Variants in SPTBN5 observed in about 807,000 individuals in gnomAD.
SPTBN5 encodes spectrin beta chain, non-erythrocytic 5.
In SPTBN5, 513 loss-of-function variants were observed where a neutral mutation model predicts 477.6. The observed-to-expected ratio is 1.07, with a 90% CI of 1.00 to 1.16. SPTBN5 has a LOEUF of 1.16. Ranked by LOEUF, SPTBN5 falls within the 50% of genes most tolerant of loss-of-function variation. The probability of loss-of-function intolerance (pLI) is 0.00; values close to 1 mark genes in which losing one functional copy is unlikely to be tolerated. For synonymous variants in SPTBN5, 2,169 were observed against 2,011.7 expected (o/e 1.08, Z -2.09); for missense variants, 5,062 against 4,731.8 (o/e 1.07, Z -2.05).
chr15:41,851,766 T>C lies in SPTBN5; in HGVS notation c.10656+13A>G, dbSNP rs1181060874. ...TGGGGAGCTGCCTGGAGAAGGAATC[T>C]CCAGGCACTCACCTGCCTCCCGCCA... On this transcript the variant is annotated intron_variant, in intron 63 of 67. Transcript: ENST00000320955. The C allele has an allele frequency of 6.2e-7, 1 of 1,603,008 alleles. No individual in the cohort carries two copies. The highest frequency in any genetic ancestry group is 1.7e-5 in the Admixed American group (1 of 59,736).
chr15:41,865,398 C>T (rs1432656227), intron 39 of SPTBN5, among the ~76,000 whole-genome samples: 1 of 152,204 alleles, frequency 6.6e-6, no homozygotes, highest in East Asian at 1.9e-4. Context: ...TCCCTGTGCC[C>T]TTCCCCAGCT....
chr15:41,863,550 G>A (rs895216014), intron 41 of SPTBN5, among the ~76,000 whole-genome samples, 154 bp downstream of exon 41: 2 of 152,200 alleles, frequency 1.3e-5, no homozygotes, highest in African/African-American at 4.8e-5. Context: ...CCCATCAGAT[G>A]TCCCTGGTGC....
chr15:41,877,441 T>C (rs1761205619), intron 17 of SPTBN5, 85 bp from the exon 18 acceptor site: 5 of 1,496,524 alleles, frequency 3.3e-6, no homozygotes, highest in Non-Finnish European at 4.5e-6. Flanking sequence ...GGTTCACGCA[T>C]CTTGGATCAT....
intron 39 of SPTBN5, among the ~76,000 whole-genome samples, chr15:41,864,819 C>T (rs2066242254): frequency 6.6e-6 from 1 of 152,238 alleles, no homozygotes; most frequent in African/African-American, 2.4e-5. Context: ...GATTGCAGAT[C>T]TCCTGCCTCT....
At chr15:41,884,785 C>G (rs534651054) in intron 7 of SPTBN5, among the ~76,000 whole-genome samples, 2 of 152,302 alleles carry the variant, frequency 1.3e-5, no homozygotes, top group Admixed American at 1.3e-4. Context: ...GACCTCAGCT[C>G]CTGCCACTTG....
At chr15:41,854,729 A>AT (rs1283908589) in intron 56 of SPTBN5, 53 bp downstream of exon 56, 5 of 1,433,920 alleles carry the variant, frequency 3.5e-6, no homozygotes, top group Non-Finnish European at 3.7e-6. Flanking sequence ...GCTTAGAGGG[A>AT]TTTTTTGAAG....
At position 41,869,869 on chromosome 15, in the gene SPTBN5, G is replaced by A. The variant is rs762360029; in HGVS notation, c.5825C>T (p.Ala1942Val). The change falls in exon 32 of 68, where the codon GCA becomes GTA. Residue 1942 changes from alanine to valine, a missense_variant. Physicochemically the swap from Ala to Val is moderately conservative, Grantham distance 64 (BLOSUM62 0). Transcript: ENST00000320955. ...CGTGCGGAAGCGGGCCAGGAGGCGT[G>A]CCCGCTCCAGCTGGGCCCTGCGCTG... ...MEQRRAQLER[A>V]RLLARFRTAV... The A allele has an allele frequency of 4.5e-6, 7 of 1,555,646 alleles. No individual in the cohort carries two copies. The South Asian group carries it at 7.1e-5, about 16-fold the overall frequency.
rs538171423 is a variant in SPTBN5, at chr15:41,857,305, C to A, written c.8554G>T (p.Ala2852Ser). 149 of 1,569,834 alleles carry A rather than the reference C, an allele frequency of 9.5e-5. No homozygotes were observed. In the East Asian group the frequency reaches 1.0e-3, roughly 11 times the overall value. ...AGGCAGTGGCCTTCCCTCACAAAGG[C>A]CTGGGCCTGGCCCAGCAGTGCCTCA... Reference protein sequence around the residue: ...QAEALLGQAQAFVREGHCLAQ... With the variant: ...QAEALLGQAQSFVREGHCLAQ... Residue 2852 changes from alanine (A) to serine (S), a missense_variant, in exon 51 of 68, where the codon GCC becomes TCC. Ala to Ser is a moderately conservative substitution (Grantham distance 99). Coordinates refer to ENST00000320955, the MANE Select transcript of SPTBN5 (RefSeq NM_016642.4).
intron 17 of SPTBN5, 59 bp downstream of exon 17, chr15:41,878,283 C>A: frequency 6.4e-7 from 1 of 1,568,084 alleles, no homozygotes; most frequent in South Asian, 1.2e-5. Context: ...GGCCTGAACC[C>A]AGAGCCCAGA....
At position 41,851,384 on chromosome 15, in the gene SPTBN5, C is replaced by T. The variant is rs756020864; in HGVS notation, c.10657-15G>A. 26 of 1,546,856 alleles carry T rather than the reference C, an allele frequency of 1.7e-5. No homozygotes were observed. Among genetic ancestry groups the T allele is most frequent in the African/African-American group, 1.2e-4 (9 of 72,848 alleles). ...CTCGAGCTAGGCTGTGGAGAGGAGG[C>T]GGGAAGGTCGCATGAGCCACACGCA... On this transcript the variant is annotated splice_polypyrimidine_tract_variant and intron_variant, in intron 63 of 67. Transcript: ENST00000320955.
At position 41,849,924 on chromosome 15, in the gene SPTBN5, C is replaced by G; in HGVS notation, c.10957G>C (p.Val3653Leu). The change falls in exon 67 of 68, where the codon GTC (valine) becomes CTC (leucine). Residue 3653 changes from valine (V) to leucine (L), a missense_variant. By Grantham distance (32) the Val-to-Leu change is conservative. Transcript: ENST00000320955. ...SLSPKLKAKP[V>L]SSLNECTTKD... The stretch of plus-strand genomic sequence containing the variant: ...GTCGTGCACTCATTCAGAGAGCTGA[C>G]AGGTTTGGCTTTGAGTTTTGGGCTC... 3.8e-6 allele frequency: 6 copies of G among 1,597,344 alleles called. No homozygotes were observed. Among genetic ancestry groups the G allele is most frequent in the Non-Finnish European group, 5.1e-6 (6 of 1,171,740 alleles).
intron 10 of SPTBN5, 48 bp downstream of exon 10, chr15:41,882,537 G>A (rs1242532620): frequency 6.3e-7 from 1 of 1,591,078 alleles, no homozygotes; most frequent in Non-Finnish European, 8.5e-7. Context: ...GCCCGAGAGG[G>A]AAGGGCAAGG....
chr15:41,855,777 C>T (rs768868091), intron 53 of SPTBN5, 32 bp from the exon 54 acceptor site: 34 of 1,525,828 alleles, frequency 2.2e-5, no homozygotes, highest in East Asian at 4.8e-5. Flanking sequence ...TCCGTTTTCC[C>T]GGGGCACCCT....
chr15:41,875,879 G>A (rs1463104338), intron 21 of SPTBN5, among the ~76,000 whole-genome samples: 2 of 152,202 alleles, frequency 1.3e-5, no homozygotes, highest in Non-Finnish European at 2.9e-5. Flanking sequence ...GAGGTGGCCG[G>A]CTCTGGGACT....
chr15:41,872,162 A>G (rs2066565723), intron 27 of SPTBN5, 140 bp downstream of exon 27: 1 of 1,174,172 alleles, frequency 8.5e-7, no homozygotes, highest in South Asian at 1.6e-5. Flanking sequence ...GAAAGAGGTG[A>G]GCAACACACA....
rs1426606061 is a variant in SPTBN5, at chr15:41,874,395, C to T, written c.4586G>A (p.Ser1529Asn). The T allele has an allele frequency of 3.7e-6, 6 of 1,613,784 alleles. No individual in the cohort carries two copies. Among genetic ancestry groups the T allele is most frequent in the Non-Finnish European group, 5.1e-6 (6 of 1,179,884 alleles). The change falls in exon 24 of 68, where the codon AGC (serine) becomes AAC (asparagine). Residue 1529 changes from serine (S) to asparagine (N), a missense_variant. By Grantham distance (46) the Ser-to-Asn change is conservative. Coordinates refer to ENST00000320955, the MANE Select transcript of SPTBN5 (RefSeq NM_016642.4). ...SVELHQFCHL[S>N]NMELSWVAEH... ...GGCTACCCAAGAGAGCTCCATGTTG[C>T]TCAGGTGGCAGAACTGGTGCAGCTC...
chr15:41,850,170 C>G (rs1194561666), intron 66 of SPTBN5: 1 of 569,154 alleles, frequency 1.8e-6, no homozygotes, highest in Non-Finnish European at 3.2e-6. Flanking sequence ...AAACTCCTCA[C>G]AGGTGAGTTA....
Position 41,854,881 on chromosome 15 carries a change from C to G in SPTBN5, c.9519G>C (p.Glu3173Asp). Reference sequence around the variant, plus strand: ...GGGGATAGCGCCTGGGTGCACCCCGCTCCAGGGTGCCTGCCAACTTCCTCA... The same window carrying G: ...GGGGATAGCGCCTGGGTGCACCCCGGTCCAGGGTGCCTGCCAACTTCCTCA... ...YALRKLAGTL[E>D]RGAPRRYPHI... Residue 3173 changes from glutamate (E) to aspartate (D), a missense_variant, in exon 56 of 68, where the codon GAG (glutamate) becomes GAC (aspartate). Glu to Asp is a conservative substitution (Grantham distance 45). Coordinates refer to ENST00000320955, the MANE Select transcript of SPTBN5 (RefSeq NM_016642.4). 6.2e-7 allele frequency: 1 copy of G among 1,609,598 alleles called. No individual in the cohort carries two copies. Among genetic ancestry groups the G allele is most frequent in the Non-Finnish European group, 8.5e-7 (1 of 1,177,832 alleles).
chr15:41,892,953 G>A lies in SPTBN5; in HGVS notation c.325C>T (p.Arg109Cys), dbSNP rs62002144. ...TTCTCCAGGAAGTGCACACGCAGGC[G>A]GCCCCGGCTCGGGGGTGGCAGGGCC... ...GEALPPPSRG[R>C]LRVHFLENSS... Residue 109 changes from arginine (R) to cysteine (C), a missense_variant, in exon 3 of 68, where the codon CGC becomes TGC. Arg to Cys is a radical substitution (Grantham distance 180). Transcript: ENST00000320955. The A allele has an allele frequency of 5.8e-3, 9,324 of 1,608,914 alleles. 70 individuals carry two copies. The highest frequency in any genetic ancestry group is 0.019 in the South Asian group (1,757 of 91,054).
Sources: allele counts gnomAD v4.1 joint callset (sites outside exome capture counted in the v4.1 genomes callset), GRCh38; gene constraint gnomAD v4.1.1; transcripts MANE v1.5; gene names NCBI Gene and HGNC (gene_info 2026-07-23, HGNC 2026-07-21).